Variants in MARCHF1 observed in about 807,000 individuals in gnomAD.
MARCHF1 encodes membrane associated ring-CH-type finger 1.
Under a neutral mutation model 54.2 loss-of-function variants are expected in MARCHF1, and 40 were observed. The observed-to-expected ratio is 0.74, with a 90% CI of 0.57 to 0.96. The LOEUF is 0.96. Among genes scored for constraint, MARCHF1 ranks in the 40% least tolerant of loss-of-function variants. MARCHF1 has a pLI of 0.00. For synonymous variants in MARCHF1, 236 were observed against 236.3 expected, an observed-to-expected ratio of 1.00 and a Z score of 0.01; for missense variants, 586 against 656.5, an observed-to-expected ratio of 0.89 and a Z score of 1.17.
intron 5 of MARCHF1, among the ~76,000 whole-genome samples, chr4:163,674,443 C>T (rs756958356): frequency 3.9e-5 from 6 of 152,210 alleles, no homozygotes; most frequent in Non-Finnish European, 5.9e-5. Flanking sequence ...CTTTCTAAAT[C>T]GCCTGGGCCA....
intron 2 of MARCHF1, among the ~76,000 whole-genome samples, chr4:164,093,366 A>T (rs74912535): frequency 8.8e-4 from 134 of 152,268 alleles, no homozygotes; most frequent in Middle Eastern, 3.4e-3. Flanking sequence ...GGATTTTATC[A>T]TACGAAGTAG....
intron 5 of MARCHF1, among the ~76,000 whole-genome samples, chr4:163,632,309 G>A (rs145671559): frequency 0.013 from 2,015 of 152,334 alleles, 35 homozygotes; most frequent in African/African-American, 0.041. Context: ...GAAGACGGGT[G>A]ATTTCTGCAT....
At chr4:163,603,857 A>G (rs1741057692) in intron 7 of MARCHF1, among the ~76,000 whole-genome samples, 1 of 152,044 alleles carries the variant, frequency 6.6e-6, no homozygotes, top group African/African-American at 2.4e-5. Context: ...TGAATAAAGA[A>G]CTGAGCCTCT....
Position 163,987,858 on chromosome 4 carries a change from T to C in MARCHF1, c.-39+643A>G, listed in dbSNP as rs555878748. 5.3e-5 allele frequency among the ~76,000 whole-genome samples: 8 copies of C among 152,324 alleles called. No individual in the cohort carries two copies. The South Asian group carries it at 1.2e-3, about 24-fold the overall frequency. ...TAGAACAACTGCCACTAAATTTCCC[T>C]GCAAAATAAAGGCTCACCGTAAGAA... On this transcript the variant is annotated intron_variant, in intron 3 of 9. Transcript: ENST00000514618.
At chr4:163,924,493 G>A (rs950255165) in intron 3 of MARCHF1, among the ~76,000 whole-genome samples, 1 of 151,946 alleles carries the variant, frequency 6.6e-6, no homozygotes, top group Non-Finnish European at 1.5e-5. Context: ...TAGTAACAAA[G>A]GTAAAGGCTA....
chr4:164,343,290 C>A (rs1490963373), intron 1 of MARCHF1, among the ~76,000 whole-genome samples: 1 of 152,006 alleles, frequency 6.6e-6, no homozygotes, highest in East Asian at 1.9e-4. Context: ...CATACCTCCA[C>A]AAAGCTGAGG....
chr4:163,594,621 T>G (rs553903552), intron 7 of MARCHF1, among the ~76,000 whole-genome samples: 46 of 152,062 alleles, frequency 3.0e-4, no homozygotes, highest in African/African-American at 1.1e-3. Context: ...TAAAAAGACA[T>G]TTCTCCAAAG....
At chr4:163,929,984 A>AT (rs1560823870) in intron 3 of MARCHF1, among the ~76,000 whole-genome samples, 1 of 127,446 alleles carries the variant, frequency 7.8e-6, no homozygotes, top group African/African-American at 3.0e-5. Context: ...TATATATAAT[A>AT]TATATATAAT....
At chr4:164,174,434 G>T (rs1362828171) in intron 1 of MARCHF1, among the ~76,000 whole-genome samples, 4 of 152,144 alleles carry the variant, frequency 2.6e-5, no homozygotes, top group Non-Finnish European at 5.9e-5. Context: ...CGCACCAGAT[G>T]TGTCATTCGG....
At chr4:163,673,206 T>C (rs1743795445) in intron 5 of MARCHF1, among the ~76,000 whole-genome samples, 2 of 152,236 alleles carry the variant, frequency 1.3e-5, no homozygotes, top group Non-Finnish European at 2.9e-5. Context: ...AATATATTTC[T>C]GGACAGAGAG....
intron 3 of MARCHF1, among the ~76,000 whole-genome samples, chr4:163,925,349 C>T (rs932702139): frequency 6.6e-6 from 1 of 151,818 alleles, no homozygotes; most frequent in African/African-American, 2.4e-5. Flanking sequence ...ATGGTCCATT[C>T]CTCAGACATC....
At chr4:164,318,773 C>T (rs1735063809) in intron 1 of MARCHF1, among the ~76,000 whole-genome samples, 1 of 152,034 alleles carries the variant, frequency 6.6e-6, no homozygotes, top group Non-Finnish European at 1.5e-5. Context: ...TCAACCCTGA[C>T]CTGGATTATG....
At chr4:163,602,676 CT>C (rs1006240993) in intron 7 of MARCHF1, among the ~76,000 whole-genome samples, 1 of 152,092 alleles carries the variant, frequency 6.6e-6, no homozygotes, top group Non-Finnish European at 1.5e-5. Flanking sequence ...TCTTAAGAGT[CT>C]GTTACCTCTT....
intron 1 of MARCHF1, among the ~76,000 whole-genome samples, chr4:164,177,052 G>A (rs1361437378): frequency 7.2e-6 from 1 of 138,752 alleles, no homozygotes; most frequent in Non-Finnish European, 1.6e-5. Flanking sequence ...CCATGGAAAC[G>A]ACAGCTTAAT....
intron 3 of MARCHF1, among the ~76,000 whole-genome samples, chr4:163,915,650 TG>T (rs547745071): frequency 7.6e-4 from 115 of 152,256 alleles, no homozygotes; most frequent in African/African-American, 2.2e-3. Context: ...TGAAATTCTG[TG>T]GGTGAGGGGT....
At chr4:164,354,366 A>C (rs1411998264) in intron 1 of MARCHF1, among the ~76,000 whole-genome samples, 2 of 137,196 alleles carry the variant, frequency 1.5e-5, no homozygotes, top group Non-Finnish European at 3.2e-5. Context: ...AATCCTCAAT[A>C]AAATACTGGA....
chr4:163,620,624 G>C (rs966848969), intron 5 of MARCHF1, among the ~76,000 whole-genome samples: 74 of 141,476 alleles, frequency 5.2e-4, no homozygotes, highest in African/African-American at 1.8e-3. Context: ...GAGAGAGAGA[G>C]AGAGAGAGAG....
chr4:164,063,813 T>C (rs1197140661), intron 2 of MARCHF1, among the ~76,000 whole-genome samples: 1 of 152,108 alleles, frequency 6.6e-6, no homozygotes, highest in Non-Finnish European at 1.5e-5. Flanking sequence ...GTAGAATAAC[T>C]GTCTTTTTTT....
intron 1 of MARCHF1, among the ~76,000 whole-genome samples, chr4:164,203,066 C>T (rs1579620494): frequency 6.6e-6 from 1 of 152,090 alleles, no homozygotes; most frequent in African/African-American, 2.4e-5. Context: ...CCCCCTCTCT[C>T]TCCTTGATAT....
Sources: allele counts gnomAD v4.1 joint callset (sites outside exome capture counted in the v4.1 genomes callset), GRCh38; gene constraint gnomAD v4.1.1; transcripts MANE v1.5; gene names NCBI Gene and HGNC (gene_info 2026-07-23, HGNC 2026-07-21).